Variants in ALMS1 observed in about 807,000 individuals in gnomAD.
The protein encoded by ALMS1 is ALMS1 centrosome and basal body associated protein.
ALMS1 carries 271 observed loss-of-function variants against 352.2 expected under a neutral mutation model. The ratio of observed to expected loss-of-function variants is 0.77; its 90% CI spans 0.70 to 0.85. The LOEUF (loss-of-function observed/expected upper bound fraction) is 0.85, where lower values mean the gene tolerates loss of function less well. ALMS1 is among the 40% of genes least tolerant of loss of function. The pLI is 0.00. For missense variants in ALMS1, 5,445 were observed against 4,870.7 expected (o/e 1.12, Z -3.51); for synonymous variants, 1,865 against 1,761.2 (o/e 1.06, Z -1.48).
intron 10 of ALMS1, among the ~76,000 whole-genome samples, chr2:73,497,434 T>C (rs1673132166): frequency 6.6e-6 from 1 of 152,138 alleles, no homozygotes; most frequent in Admixed American, 6.5e-5. Flanking sequence ...ATGTAGTTTT[T>C]TTAAGCCCAT....
chr2:73,504,581 AG>A (rs1673282599), intron 10 of ALMS1, among the ~76,000 whole-genome samples: 1 of 152,210 alleles, frequency 6.6e-6, no homozygotes, highest in Non-Finnish European at 1.5e-5. Context: ...ACTCACCTGG[AG>A]ATCCATTCAA....
chr2:73,560,235 A>C (rs1455738889), intron 15 of ALMS1, among the ~76,000 whole-genome samples: 1 of 152,206 alleles, frequency 6.6e-6, no homozygotes, highest in East Asian at 1.9e-4. Flanking sequence ...TTTTAAAATG[A>C]GCAAAGGACT....
intron 9 of ALMS1, among the ~76,000 whole-genome samples, chr2:73,475,886 T>A (rs937217976): frequency 5.3e-5 from 8 of 152,124 alleles, no homozygotes; most frequent in Non-Finnish European, 8.8e-5. Context: ...AATTTTTATT[T>A]TTTTAATTGT....
chr2:73,391,294 C>CTTTTTTTTTTTTTTTTTTTTT lies in ALMS1; in HGVS notation c.324+5119_324+5120insTTTTTTTTTTTTTTTTTTTTT, dbSNP rs397972016. Among the ~76,000 whole-genome samples, 6 of 114,990 alleles carry CTTTTTTTTTTTTTTTTTTTTT rather than the reference C, an allele frequency of 5.2e-5. 2 individuals carry two copies. Among genetic ancestry groups the CTTTTTTTTTTTTTTTTTTTTT allele is most frequent in the Admixed American group, 2.0e-4 (2 of 10,134 alleles). 75.4% of individuals were successfully genotyped at this position (114,990 alleles called of 152,430 possible). On this transcript the variant is annotated intron_variant, in intron 1 of 22. Coordinates refer to ENST00000613296, the MANE Select transcript of ALMS1 (RefSeq NM_001378454.1). ...TTAACCTATTCATATACGTTTTATTCTTTTTTTTTTTTTTTTTGAGACGGA... is the reference window on the plus strand; with the variant it reads ...TTAACCTATTCATATACGTTTTATTCTTTTTTTTTTTTTTTTTTTTTTTTTTTTTTTTTTTTTTGAGACGGA...
intron 1 of ALMS1, among the ~76,000 whole-genome samples, chr2:73,394,629 C>T (rs1042902141): frequency 2.6e-5 from 4 of 152,130 alleles, no homozygotes; most frequent in Admixed American, 6.5e-5. Context: ...GGATTGCAGG[C>T]GTGAGCCACC....
At chr2:73,484,105 A>G (rs978069800) in intron 9 of ALMS1, among the ~76,000 whole-genome samples, 35 of 151,682 alleles carry the variant, frequency 2.3e-4, no homozygotes, top group East Asian at 1.4e-3. Context: ...TGTGAATTTG[A>G]TCCTGTCATT....
rs567291192 is a variant in ALMS1, at chr2:73,495,438, G to T, written c.9539+3940G>T. ...TTTAGTAGAGACAGGGTTTCACCATGTTGGCCAGGCTGGTCTTGAACTCCT... is the reference window on the plus strand; with the variant it reads ...TTTAGTAGAGACAGGGTTTCACCATTTTGGCCAGGCTGGTCTTGAACTCCT... On this transcript the variant is annotated intron_variant, in intron 10 of 22. Coordinates refer to ENST00000613296, the MANE Select transcript of ALMS1 (RefSeq NM_001378454.1). Among the ~76,000 whole-genome samples the T allele has an allele frequency of 1.8e-3, 281 of 152,234 alleles. 2 individuals are homozygous for T. Among genetic ancestry groups the T allele is most frequent in the African/African-American group, 6.6e-3 (273 of 41,538 alleles).
At position 73,573,254 on chromosome 2, in the gene ALMS1, G is replaced by T; in HGVS notation, c.11377G>T (p.Ala3793Ser). The T allele has an allele frequency of 6.2e-7, 1 of 1,613,862 alleles. No homozygotes were observed. The highest frequency in any genetic ancestry group is 8.5e-7 in the Non-Finnish European group (1 of 1,179,796). Residue 3793 changes from alanine to serine, a missense_variant, in exon 16 of 23, where the codon GCT (alanine) becomes TCT (serine). Ala to Ser is a moderately conservative substitution (Grantham distance 99). Transcript: ENST00000613296. ...STIDTARLIQ[A>S]FGHERVCLSP... Reference sequence around the variant, plus strand: ...TATTGACACTGCCCGGCTGATTCAAGCTTTTGGCCATGAAAGAGTATGCTT... The same window carrying T: ...TATTGACACTGCCCGGCTGATTCAATCTTTTGGCCATGAAAGAGTATGCTT...
chr2:73,505,173 G>A (rs1673295709), intron 10 of ALMS1, among the ~76,000 whole-genome samples: 1 of 152,166 alleles, frequency 6.6e-6, no homozygotes, highest in African/African-American at 2.4e-5. Context: ...GAATAATGCT[G>A]CAGTAAACAT....
Position 73,573,383 on chromosome 2 carries a change from C to G in ALMS1, c.11506C>G (p.Pro3836Ala). ...HSKKVLNTGH[P>A]LVTSEHTRRR... ...CAAGAAAGTGCTGAATACAGGTCAT[C>G]CCCTAGTGACTTCTGAGCACACCAG... The change falls in exon 16 of 23, where the codon CCC becomes GCC. Residue 3836 changes from proline to alanine, a missense_variant. Pro to Ala is a conservative substitution (Grantham distance 27). Coordinates refer to ENST00000613296, the MANE Select transcript of ALMS1 (RefSeq NM_001378454.1). 1 of 1,614,068 alleles carries G rather than the reference C, an allele frequency of 6.2e-7. No individual in the cohort carries two copies.
At chr2:73,464,732 A>G in intron 9 of ALMS1, among the ~76,000 whole-genome samples, 1 of 152,184 alleles carries the variant, frequency 6.6e-6, no homozygotes, top group Non-Finnish European at 1.5e-5. Context: ...TAAGCTGATA[A>G]GCAACTTCAG....
chr2:73,580,818 A>G (rs1675161048), intron 16 of ALMS1, among the ~76,000 whole-genome samples: 1 of 152,138 alleles, frequency 6.6e-6, no homozygotes, highest in Admixed American at 6.5e-5. Flanking sequence ...GTTGTGTGAT[A>G]TTTCTGTTCC....
intron 8 of ALMS1, chr2:73,454,371 GT>G (rs2103795110): frequency 1.0e-6 from 1 of 985,252 alleles, no homozygotes; most frequent in African/African-American, 1.7e-5. Context: ...ATGACAGAGA[GT>G]AAAGAGGTCG....
chr2:73,609,681 T>C lies in ALMS1; in HGVS notation c.*69T>C. 6.9e-7 allele frequency: 1 copy of C among 1,453,676 alleles called. No individual in the cohort carries two copies. The highest frequency in any genetic ancestry group is 1.4e-5 in the African/African-American group (1 of 71,820). 90.0% of individuals were successfully genotyped at this position (1,453,676 alleles called of 1,614,324 possible). The stretch of plus-strand genomic sequence containing the variant: ...ACCTAGAGAAGCAGAATCCTTACTT[T>C]TGTGAGTCTGGTTGAATAAAGCTTA... On this transcript the variant is annotated 3_prime_UTR_variant, in exon 23 of 23. Coordinates refer to ENST00000613296, the MANE Select transcript of ALMS1 (RefSeq NM_001378454.1).
intron 15 of ALMS1, among the ~76,000 whole-genome samples, chr2:73,566,500 C>A (rs889647070): frequency 1.3e-5 from 2 of 152,218 alleles, no homozygotes; most frequent in African/African-American, 4.8e-5. Context: ...ATACTACTCA[C>A]AACGACGTGC....
At chr2:73,516,872 G>A (rs1238757390) in intron 10 of ALMS1, among the ~76,000 whole-genome samples, 2 of 152,094 alleles carry the variant, frequency 1.3e-5, no homozygotes, top group Non-Finnish European at 2.9e-5. Context: ...TCTCCCTCAA[G>A]CATTAGTTAT....
At chr2:73,408,848 T>C in intron 2 of ALMS1, 101 bp downstream of exon 2, 1 of 931,490 alleles carries the variant, frequency 1.1e-6, no homozygotes, top group East Asian at 3.5e-5. Flanking sequence ...TATTCATTAA[T>C]ATTATGTTTT....
At chr2:73,395,831 G>A (rs993330290) in intron 1 of ALMS1, among the ~76,000 whole-genome samples, 4 of 152,098 alleles carry the variant, frequency 2.6e-5, no homozygotes, top group Non-Finnish European at 4.4e-5. Flanking sequence ...TATTCAATAG[G>A]AGGGGTAAGA....
chr2:73,410,602 A>G (rs1671055911), intron 2 of ALMS1, among the ~76,000 whole-genome samples: 1 of 152,168 alleles, frequency 6.6e-6, no homozygotes, highest in African/African-American at 2.4e-5. Context: ...ATATGAAGAC[A>G]ATCTTGCCTT....
Sources: allele counts gnomAD v4.1 joint callset (sites outside exome capture counted in the v4.1 genomes callset), GRCh38; gene constraint gnomAD v4.1.1; transcripts MANE v1.5; gene names NCBI Gene and HGNC (gene_info 2026-07-23, HGNC 2026-07-21).